The following RYR2 variants were observed in gnomAD, a reference collection of about 807,000 sequenced individuals.
The protein encoded by RYR2 is ryanodine receptor 2.
RYR2 carries 227 observed loss-of-function variants against 601.1 expected under a neutral mutation model. That is an observed-to-expected ratio of 0.38 (90% CI 0.34 to 0.42). The LOEUF is 0.42. RYR2 is among the 10% of genes least tolerant of loss of function. The pLI is 1.00. For synonymous variants in RYR2, 2,223 were observed against 2,175.1 expected (o/e 1.02, Z -0.61); for missense variants, 4,646 against 6,156.5 (o/e 0.75, Z 8.21).
intron 57 of RYR2, among the ~76,000 whole-genome samples, chr1:237,667,563 G>C (rs1004631867): frequency 2.6e-5 from 4 of 152,134 alleles, no homozygotes; most frequent in Admixed American, 2.6e-4. Context: ...TAAGGCTTTG[G>C]AAATTAAAAC....
rs146324561 is a variant in RYR2, at chr1:237,819,836, CCAA to C, written c.14590+663_14590+665del. Among the ~76,000 whole-genome samples the C allele has an allele frequency of 4.0e-5, 6 of 151,178 alleles. No individual in the cohort carries two copies. The East Asian group carries it at 7.9e-4, about 20-fold the overall frequency. ...TCCATTTCAAAACACACACTCAAAC[CCAA>C]CAACAACAACAACAACAAAAACTTC... On this transcript the variant is annotated intron_variant, in intron 101 of 104. Transcript: ENST00000366574. This position sits in a 1 kb window ranked among gnomAD's most constrained non-coding sequence, Gnocchi z 4.0.
chr1:237,377,467 T>C, intron 8 of RYR2, 32 bp downstream of exon 8: 1 of 1,469,570 alleles, frequency 6.8e-7, no homozygotes, highest in African/African-American at 1.4e-5. Flanking sequence ...ATGTATCTGC[T>C]GATATGCTAA....
intron 12 of RYR2, among the ~76,000 whole-genome samples, chr1:237,436,453 C>CATTTTTT (rs1491092540): frequency 1.8e-5 from 1 of 55,830 alleles, no homozygotes; most frequent in Non-Finnish European, 3.1e-5. Context: ...GTGTGATTTT[C>CATTTTTT]CTTTTTTTTT....
chr1:237,631,884 T>C (rs1440962396), intron 42 of RYR2, among the ~76,000 whole-genome samples: 1 of 9,166 alleles, frequency 1.1e-4, no homozygotes, highest in Non-Finnish European at 3.5e-4. Context: ...CGCCTTGGCC[T>C]CCCCTCCCGA....
At chr1:237,715,893 G>A (rs1689228015) in intron 71 of RYR2, among the ~76,000 whole-genome samples, 2 of 152,030 alleles carry the variant, frequency 1.3e-5, no homozygotes, top group Non-Finnish European at 2.9e-5. Flanking sequence ...TTTGAACAAA[G>A]AGCCCATTTT....
chr1:237,257,899 C>T (rs1365068325), intron 1 of RYR2, among the ~76,000 whole-genome samples: 1 of 152,060 alleles, frequency 6.6e-6, no homozygotes, highest in Non-Finnish European at 1.5e-5. Flanking sequence ...CACAGTAGCT[C>T]ACGCCTGTAA....
At chr1:237,110,037 T>C (rs1024894891) in intron 1 of RYR2, among the ~76,000 whole-genome samples, 1 of 152,168 alleles carries the variant, frequency 6.6e-6, no homozygotes, top group Non-Finnish European at 1.5e-5. Context: ...TTTCTAACCG[T>C]GGAAATGTTG....
intron 1 of RYR2, among the ~76,000 whole-genome samples, chr1:237,091,170 A>G (rs1326583457): frequency 6.6e-6 from 1 of 152,140 alleles, no homozygotes; most frequent in Non-Finnish European, 1.5e-5. Flanking sequence ...AAAGCCTGGG[A>G]TCAAACACCC....
chr1:237,609,074 C>T (rs1364631240), intron 35 of RYR2, among the ~76,000 whole-genome samples: 1 of 145,260 alleles, frequency 6.9e-6, no homozygotes, highest in East Asian at 2.1e-4. Flanking sequence ...TTCTTTCTTG[C>T]TGACAGTCTC....
At chr1:237,389,151 GGAA>G (rs971709064) in intron 10 of RYR2, among the ~76,000 whole-genome samples, 1 of 152,164 alleles carries the variant, frequency 6.6e-6, no homozygotes, top group Non-Finnish European at 1.5e-5. Flanking sequence ...AGTAGGTTTA[GGAA>G]GAAGATGTCG....
chr1:237,090,360 G>A lies in RYR2; in HGVS notation c.48+47791G>A, dbSNP rs189578443. ...AAGTTAAGGATCTTGAGATTATCTC[G>A]TGCGGGGGCAGTGTAATCATGAGAG... On this transcript the variant is annotated intron_variant, in intron 1 of 104. Transcript: ENST00000366574. Among the ~76,000 whole-genome samples, 22 of 152,218 alleles carry A rather than the reference G, an allele frequency of 1.4e-4. No homozygotes were observed. The East Asian group carries it at 1.9e-3, about 13-fold the overall frequency.
chr1:237,088,134 C>A (rs1666557942), intron 1 of RYR2, among the ~76,000 whole-genome samples: 1 of 152,066 alleles, frequency 6.6e-6, no homozygotes, highest in Non-Finnish European at 1.5e-5. Context: ...AGACATGATA[C>A]TCCTTGACTG....
Position 237,297,414 on chromosome 1 carries a change from G to A in RYR2, c.168+26798G>A, listed in dbSNP as rs542426412. 1.2e-4 allele frequency among the ~76,000 whole-genome samples: 18 copies of A among 152,150 alleles called. No individual in the cohort carries two copies. In the South Asian group the frequency reaches 1.7e-3, roughly 14 times the overall value. On this transcript the variant is annotated intron_variant, in intron 2 of 104. Transcript: ENST00000366574. ...AACTTCTATGAAAGTTAAAATCATC[G>A]TCTGCCATTTTTGTAATACCCTACC...
chr1:237,793,397 A>C (rs1344007522), intron 94 of RYR2, among the ~76,000 whole-genome samples: 1 of 152,200 alleles, frequency 6.6e-6, no homozygotes, highest in Non-Finnish European at 1.5e-5. Context: ...CTGATGTCGA[A>C]ATTAAAATTT....
At chr1:237,641,699 G>A (rs1314206278) in intron 47 of RYR2, among the ~76,000 whole-genome samples, 2 of 151,838 alleles carry the variant, frequency 1.3e-5, no homozygotes, top group South Asian at 2.1e-4. Flanking sequence ...ATGCCACCAC[G>A]CCCAACTAAT....
In RYR2 at chr1:237,470,161, T is replaced by C. The variant is rs569051880; in HGVS notation, c.1708+974T>C. On this transcript the variant is annotated intron_variant, in intron 17 of 104. Coordinates refer to ENST00000366574, the MANE Select transcript of RYR2 (RefSeq NM_001035.3). ...TCATTAGTAATGAACTTCTTGAAGA[T>C]AGGGGCATGGTTTCATTCATCTTTG... Among the ~76,000 whole-genome samples the C allele has an allele frequency of 9.2e-5, 14 of 152,342 alleles. No homozygotes were observed. In the South Asian group the frequency reaches 2.9e-3, roughly 32 times the overall value.
intron 1 of RYR2, among the ~76,000 whole-genome samples, chr1:237,243,486 G>C (rs1686440157): frequency 6.6e-6 from 1 of 152,090 alleles, no homozygotes. Flanking sequence ...ATGTGGGAAG[G>C]GGTGCAGAGC....
At chr1:237,743,850 C>G (rs1215344008) in intron 80 of RYR2, among the ~76,000 whole-genome samples, 2 of 152,188 alleles carry the variant, frequency 1.3e-5, no homozygotes, top group African/African-American at 4.8e-5. Context: ...ATTTTATCCT[C>G]CAGCTAACTT....
At chr1:237,303,910 A>T (rs958095076) in intron 2 of RYR2, among the ~76,000 whole-genome samples, 5 of 152,206 alleles carry the variant, frequency 3.3e-5, no homozygotes, top group Admixed American at 1.3e-4. Flanking sequence ...TAGTTATCAG[A>T]TAATTCAGTA....
Sources: allele counts gnomAD v4.1 joint callset (sites outside exome capture counted in the v4.1 genomes callset), GRCh38; gene constraint gnomAD v4.1.1; non-coding constraint Gnocchi (gnomAD v3.1); transcripts MANE v1.5; gene names NCBI Gene and HGNC (gene_info 2026-07-23, HGNC 2026-07-21).